Variants in RP1 observed in about 807,000 individuals in gnomAD.
RP1 encodes RP1 axonemal microtubule associated, also known as oxygen-regulated protein 1.
In RP1, 16 loss-of-function variants were observed where a neutral mutation model predicts 14.8. The ratio of observed to expected loss-of-function variants is 1.08; its 90% CI spans 0.73 to 1.65. RP1 has a LOEUF of 1.65. Ranked by LOEUF, RP1 falls within the 40% of genes most tolerant of loss-of-function variation. The pLI is 0.00. For synonymous variants in RP1, 876 were observed against 883.6 expected (o/e 0.99, Z 0.15); for missense variants, 2,631 against 2,535.0 (o/e 1.04, Z -0.81).
intron 1 of RP1, among the ~76,000 whole-genome samples, chr8:54,592,257 C>T (rs1393157665): frequency 1.3e-5 from 2 of 152,196 alleles, no homozygotes; most frequent in Admixed American, 6.5e-5. Context: ...ATTAAGGGCA[C>T]AGGTACTTGT....
rs978839012 is a variant in RP1, at chr8:54,725,386, G to A, written c.2390-959G>A. Among the ~76,000 whole-genome samples the A allele has an allele frequency of 5.9e-5, 9 of 152,198 alleles. No individual in the cohort carries two copies. In the South Asian group the frequency reaches 1.2e-3, roughly 21 times the overall value. On this transcript the variant is annotated intron_variant, in intron 16 of 22. Coordinates refer to the RP1 transcript ENST00000636932. ...GAAAAACTATGTTTTAAAAGGATTA[G>A]TATTTAAAAGCTTATTATTGTCTGA...
chr8:54,852,566 C>A (rs1035096264), intron 25 of RP1: 2 of 1,229,674 alleles, frequency 1.6e-6, no homozygotes, highest in Non-Finnish European at 2.0e-6. Context: ...AGATTTCTTA[C>A]ATTTCAGTGG....
chr8:54,849,873 A>G (rs1455560194), intron 25 of RP1, among the ~76,000 whole-genome samples: 1 of 152,194 alleles, frequency 6.6e-6, no homozygotes, highest in Non-Finnish European at 1.5e-5. Context: ...AAAAATAAAG[A>G]TGAGAGTGTT....
At chr8:54,726,485 C>A in intron 17 of RP1, 1 of 1,520,894 alleles carries the variant, frequency 6.6e-7, no homozygotes, top group South Asian at 1.2e-5. Context: ...AAGTAAGCCA[C>A]AGCTTTTGCT....
intron 12 of RP1, chr8:54,696,337 A>C (rs1807861742): frequency 2.0e-6 from 1 of 502,138 alleles, no homozygotes; most frequent in Admixed American, 3.8e-5. Context: ...TGTGCTGACA[A>C]TAGTAAGAAA....
chr8:54,642,530 A>C (rs1045662209), intron 3 of RP1, among the ~76,000 whole-genome samples: 1 of 152,232 alleles, frequency 6.6e-6, no homozygotes, highest in South Asian at 2.1e-4. Flanking sequence ...AACTGAGATA[A>C]TAGTATCCAA....
intron 3 of RP1, among the ~76,000 whole-genome samples, chr8:54,636,544 C>T (rs1482249170): frequency 6.6e-6 from 1 of 152,184 alleles, no homozygotes; most frequent in South Asian, 2.1e-4. Flanking sequence ...TCAAGACCAG[C>T]CTGGCCAACA....
intron 1 of RP1, among the ~76,000 whole-genome samples, chr8:54,592,496 T>C (rs1040293258): frequency 3.9e-5 from 6 of 152,210 alleles, no homozygotes; most frequent in African/African-American, 1.4e-4. Flanking sequence ...TATATGTTGT[T>C]CCTGGAATCT....
intron 21 of RP1, among the ~76,000 whole-genome samples, chr8:54,757,747 G>A (rs1809544379): frequency 6.6e-6 from 1 of 152,212 alleles, no homozygotes; most frequent in African/African-American, 2.4e-5. Flanking sequence ...TGGATCCAGA[G>A]GTCATGGGAT....
intron 1 of RP1, among the ~76,000 whole-genome samples, chr8:54,572,409 A>G (rs1164972907): frequency 1.3e-5 from 2 of 152,258 alleles, no homozygotes; most frequent in African/African-American, 4.8e-5. Flanking sequence ...CTATGAAATT[A>G]GAAGTAATTC....
At chr8:54,678,554 T>C in intron 9 of RP1, 1 of 1,527,330 alleles carries the variant, frequency 6.5e-7, no homozygotes, top group Non-Finnish European at 8.8e-7. Flanking sequence ...GGTGTACTTT[T>C]ACATCGAAAA....
At chr8:54,581,172 C>T (rs1804784220) in intron 1 of RP1, among the ~76,000 whole-genome samples, 1 of 146,802 alleles carries the variant, frequency 6.8e-6, no homozygotes, top group South Asian at 2.3e-4. Flanking sequence ...CACCCCACAA[C>T]AGGCCCCGGT....
chr8:54,654,686 T>C (rs2129326875), intron 5 of RP1, among the ~76,000 whole-genome samples: 1 of 152,324 alleles, frequency 6.6e-6, no homozygotes, highest in East Asian at 1.9e-4. Context: ...CTCTGTCTAT[T>C]GCCTAGGCTG....
chr8:54,795,656 G>T lies in RP1; in HGVS notation c.3615+11946G>T, dbSNP rs532278964. 5.3e-5 allele frequency among the ~76,000 whole-genome samples: 8 copies of T among 151,970 alleles called. No homozygotes were observed. In the East Asian group the frequency reaches 1.5e-3, roughly 29 times the overall value. On this transcript the variant is annotated intron_variant, in intron 24 of 28. Transcript: ENST00000637698. ...TATTTAGCAAAACTGAAACATGAAA[G>T]AAAAAAATATCATTCTCTAATCCCT...
chr8:54,679,833 A>G (rs1173657105), exon 12 of RP1: 1 of 1,536,040 alleles, frequency 6.5e-7, no homozygotes, highest in Admixed American at 2.0e-5. Flanking sequence ...AGTTTACAAA[A>G]GGAAATACTC....
rs547844896 is a variant in RP1 at position 54,621,407 on chromosome 8, C to T, written c.441C>T (p.Pro147=). The T allele has an allele frequency of 7.3e-5, 118 of 1,613,314 alleles. 2 individuals are homozygous for T. The South Asian group carries it at 1.2e-3, about 17-fold the overall frequency. ...CCCACCCCGTAGCCGTCGCTGCTCC[C>T]GGCATGCCCCGCCCCCCACGGAGCC... ...SPPHPVAVAA[P]GMPRPPRSLV... The change falls in exon 2 of 4, where the codon CCC becomes CCT. Residue 147 remains proline, a synonymous_variant. Coordinates refer to ENST00000220676, the MANE Select transcript of RP1 (RefSeq NM_006269.2).
At chr8:54,603,976 A>G (rs1041286442) in intron 1 of RP1, among the ~76,000 whole-genome samples, 1 of 152,206 alleles carries the variant, frequency 6.6e-6, no homozygotes, top group Non-Finnish European at 1.5e-5. Context: ...CGATCATGTC[A>G]TCTGCAAACA....
intron 6 of RP1, among the ~76,000 whole-genome samples, chr8:54,662,952 C>G (rs1806933292): frequency 6.6e-6 from 1 of 152,016 alleles, no homozygotes; most frequent in Non-Finnish European, 1.5e-5. Context: ...TACAGTAGTC[C>G]CCGCTTATCC....
chr8:54,702,210 G>C (rs1286494636), intron 14 of RP1, among the ~76,000 whole-genome samples: 1 of 152,074 alleles, frequency 6.6e-6, no homozygotes. Flanking sequence ...ATCTGTATTT[G>C]AAACGCGAAG....
Sources: allele counts gnomAD v4.1 joint callset (sites outside exome capture counted in the v4.1 genomes callset), GRCh38; gene constraint gnomAD v4.1.1; transcripts MANE v1.5; gene names NCBI Gene and HGNC (gene_info 2026-07-23, HGNC 2026-07-21).